KLHL18: variants seen among roughly 807,000 people sequenced by gnomAD.
KLHL18 encodes the protein kelch like family member 18, also known as kelch-like protein 18.
A neutral mutation model predicts 58.5 loss-of-function variants in KLHL18; 38 were observed. The observed-to-expected ratio is 0.65, with a 90% CI of 0.50 to 0.85. The LOEUF (loss-of-function observed/expected upper bound fraction) is 0.85, where lower values mean the gene tolerates loss of function less well. Ranked by LOEUF, KLHL18 falls within the 40% of genes least tolerant of loss-of-function variation. KLHL18 has a pLI of 0.00. For synonymous variants in KLHL18, 303 were observed against 301.9 expected (o/e 1.00, Z -0.04); for missense variants, 624 against 778.4 (o/e 0.80, Z 2.36).
intron 1 of KLHL18, among the ~76,000 whole-genome samples, chr3:47,290,446 G>A (rs1373334515): frequency 6.6e-6 from 1 of 151,952 alleles, no homozygotes; most frequent in Non-Finnish European, 1.5e-5. Context: ...CTCTCTCTGT[G>A]TAGTTAGCTT....
intron 1 of KLHL18, among the ~76,000 whole-genome samples, chr3:47,286,753 TC>T (rs1432986841): frequency 6.6e-6 from 1 of 151,898 alleles, no homozygotes; most frequent in African/African-American, 2.4e-5. Flanking sequence ...TAGATCTTCC[TC>T]CAGGCTTCTT....
At chr3:47,325,288 C>T (rs547443604) in intron 3 of KLHL18, among the ~76,000 whole-genome samples, 1 of 152,292 alleles carries the variant, frequency 6.6e-6, no homozygotes, top group Non-Finnish European at 1.5e-5. Context: ...AGCTCCGCCT[C>T]CTGTGTTCAC....
At chr3:47,325,250 T>C (rs1390871314) in intron 3 of KLHL18, among the ~76,000 whole-genome samples, 1 of 151,954 alleles carries the variant, frequency 6.6e-6, no homozygotes, top group African/African-American at 2.4e-5. Flanking sequence ...CAGGCTGGAG[T>C]GCAGTGGCGC....
At position 47,343,589 on chromosome 3, in the gene KLHL18, A is replaced by G. The variant is rs778417839; in HGVS notation, c.1373A>G (p.His458Arg). The change falls in exon 10 of 10, where the codon CAC becomes CGC. Residue 458 changes from histidine to arginine, a missense_variant. Transcript: ENST00000232766. Reference sequence around the variant, plus strand: ...TACAACCACCACACAGCCACCTGGCACCCTGCAGCTGGCATGCTCAACAAG... The same window carrying G: ...TACAACCACCACACAGCCACCTGGCGCCCTGCAGCTGGCATGCTCAACAAG... ...EHYNHHTATW[H>R]PAAGMLNKRC... is the part of the protein sequence containing the mutation. The G allele has an allele frequency of 1.7e-5, 28 of 1,613,732 alleles. No individual in the cohort carries two copies. Among genetic ancestry groups the G allele is most frequent in the Non-Finnish European group, 2.4e-5 (28 of 1,180,026 alleles).
Position 47,343,819 on chromosome 3 carries a change from C to T in KLHL18, c.1603C>T (p.Gln535Ter), listed in dbSNP as rs1041063355. 1.2e-6 allele frequency: 2 copies of T among 1,614,206 alleles called. No homozygotes were observed. Among genetic ancestry groups the T allele is most frequent in the Non-Finnish European group, 1.7e-6 (2 of 1,180,036 alleles). The change falls in exon 10 of 10, where the codon CAG becomes TAG. Residue 535 changes from glutamine to a stop codon, truncating the protein, a stop_gained. Transcript: ENST00000232766. LOFTEE classifies it high-confidence loss of function. ...CTACGCTGTTGGGGGCTACGACGGA[C>T]AGTCAAACCTAAGCTCAGTGGAGAT... ...RLYAVGGYDG[Q>*]SNLSSVEMYD...
intron 7 of KLHL18, chr3:47,337,799 A>C (rs962113806): frequency 6.6e-6 from 1 of 152,064 alleles, no homozygotes. Context: ...CACCATCCCC[A>C]CTTTTGCTCC....
chr3:47,295,519 G>A (rs1702877046), intron 1 of KLHL18, among the ~76,000 whole-genome samples: 1 of 151,934 alleles, frequency 6.6e-6, no homozygotes, highest in South Asian at 2.1e-4. Flanking sequence ...TTCTTCCTTT[G>A]CTTTCTTTCC....
chr3:47,319,870 GAC>G (rs1476738963), intron 2 of KLHL18, 87 bp downstream of exon 2: 4 of 1,391,068 alleles, frequency 2.9e-6, no homozygotes, highest in Admixed American at 3.5e-5. Context: ...CCTGCAGCAG[GAC>G]ACAGTGTCTA....
intron 7 of KLHL18, 161 bp from the exon 8 acceptor site, chr3:47,340,410 TG>T: frequency 2.2e-6 from 1 of 460,786 alleles, no homozygotes; most frequent in Non-Finnish European, 2.9e-6. Flanking sequence ...AGAGGAATGA[TG>T]GGGCAGCTTC....
At chr3:47,286,676 C>T (rs1468693776) in intron 1 of KLHL18, among the ~76,000 whole-genome samples, 1 of 152,178 alleles carries the variant, frequency 6.6e-6, no homozygotes, top group Non-Finnish European at 1.5e-5. Flanking sequence ...TCTGGGACCA[C>T]GTTCTGAGAG....
intron 1 of KLHL18, among the ~76,000 whole-genome samples, chr3:47,290,913 C>T (rs994284640): frequency 3.3e-5 from 5 of 152,208 alleles, no homozygotes; most frequent in Non-Finnish European, 7.3e-5. Context: ...TAAATTTGGA[C>T]ACCAATTAGG....
Position 47,333,142 on chromosome 3 carries a change from C to G in KLHL18, c.601-15C>G. ...GTGGGAGGATTTGCTGCCAGAACAT[C>G]CACTCTCATGACAGGTCTTTGAAGC... is the stretch of plus-strand genomic sequence containing the variant. On this transcript the variant is annotated splice_polypyrimidine_tract_variant and intron_variant, in intron 4 of 9. Coordinates refer to ENST00000232766, the MANE Select transcript of KLHL18 (RefSeq NM_025010.5). 1 of 1,608,404 alleles carries G rather than the reference C, an allele frequency of 6.2e-7. No individual in the cohort carries two copies. The highest frequency in any genetic ancestry group is 1.3e-5 in the African/African-American group (1 of 74,842).
chr3:47,307,729 G>A (rs1703183790), intron 1 of KLHL18, among the ~76,000 whole-genome samples: 1 of 152,112 alleles, frequency 6.6e-6, no homozygotes, highest in Non-Finnish European at 1.5e-5. Flanking sequence ...TTTGGAGTGT[G>A]ATGTGAAGCA....
At chr3:47,308,922 C>T (rs996764455) in intron 1 of KLHL18, among the ~76,000 whole-genome samples, 3 of 152,166 alleles carry the variant, frequency 2.0e-5, no homozygotes, top group African/African-American at 7.2e-5. Context: ...CTGGGGCCTT[C>T]CGCAGTGTTT....
rs1244181100 is a variant in KLHL18, at chr3:47,293,207, T to G, written c.129+10113T>G. Among the ~76,000 whole-genome samples the G allele has an allele frequency of 2.0e-5, 3 of 152,158 alleles. No homozygotes were observed. The East Asian group carries it at 5.8e-4, about 29-fold the overall frequency. On this transcript the variant is annotated intron_variant, in intron 1 of 9. Coordinates refer to ENST00000232766, the MANE Select transcript of KLHL18 (RefSeq NM_025010.5). ...GAAGAATTCTGGAGACAGATAGTGG[T>G]GATGGTTGTAGAATGTACTTAATGC... is the stretch of plus-strand genomic sequence containing the variant.
At chr3:47,287,236 GATC>G (rs1309884456) in intron 1 of KLHL18, 1 of 152,038 alleles carries the variant, frequency 6.6e-6, no homozygotes, top group East Asian at 1.9e-4. Context: ...GCTGTTCCTT[GATC>G]ATCAGTCCGA....
At chr3:47,326,672 C>T (rs1339339086) in intron 3 of KLHL18, among the ~76,000 whole-genome samples, 1 of 152,116 alleles carries the variant, frequency 6.6e-6, no homozygotes, top group Middle Eastern at 3.2e-3. Context: ...AATCCCAACA[C>T]TCTGGGAGGC....
chr3:47,343,705 T>C lies in KLHL18; in HGVS notation c.1489T>C (p.Tyr497His). ...TGGCTTCCTCAGCATTGCCGAGATG[T>C]ACAGCTCTGTGGCAGACCAGTGGTG... ...GSGFLSIAEM[Y>H]SSVADQWCLI... Residue 497 changes from tyrosine to histidine, a missense_variant, in exon 10 of 10, where the codon TAC becomes CAC. Physicochemically the swap from Tyr to His is moderately conservative, Grantham distance 83. Transcript: ENST00000232766. The C allele has an allele frequency of 6.2e-7, 1 of 1,614,204 alleles. No individual in the cohort carries two copies. The highest frequency in any genetic ancestry group is 8.5e-7 in the Non-Finnish European group (1 of 1,180,046).
chr3:47,297,659 G>A (rs761994972), intron 1 of KLHL18: 37 of 453,302 alleles, frequency 8.2e-5, no homozygotes, highest in South Asian at 5.3e-4. Flanking sequence ...AAGGTCAACA[G>A]TTAAAAAGAA....
Sources: gnomAD v4.1 joint callset for allele counts (sites outside exome capture counted in the v4.1 genomes callset) on GRCh38, gnomAD v4.1.1 for gene constraint, MANE v1.5 for transcripts, NCBI Gene and HGNC (gene_info 2026-07-23, HGNC 2026-07-21) for gene names.